The following NWD1 variants were observed in gnomAD, a reference collection of about 807,000 sequenced individuals.
The protein encoded by NWD1 is NACHT and WD repeat domain containing 1, also known as NACHT domain- and WD repeat-containing protein 1.
A neutral mutation model predicts 135.1 loss-of-function variants in NWD1; 129 were observed. That is an observed-to-expected ratio of 0.96 (90% CI 0.83 to 1.11). NWD1 has a LOEUF of 1.11. NWD1 is among the 50% of genes least tolerant of loss of function. The pLI, the probability that NWD1 is intolerant of heterozygous loss-of-function variation, is 0.00. For synonymous variants in NWD1, 773 were observed against 786.0 expected (o/e 0.98, Z 0.28); for missense variants, 1,740 against 1,851.3 (o/e 0.94, Z 1.10).
At chr19:16,761,350 C>CTTTCTTTCTTTCTTTCTTTCTTTCTT (rs60597477) in intron 7 of NWD1, among the ~76,000 whole-genome samples, 1 of 144,090 alleles carries the variant, frequency 6.9e-6, no homozygotes, top group African/African-American at 2.9e-5. Flanking sequence ...CCCTTTCTTT[C>CTTTCTTTCTTTCTTTCTTTCTTTCTT]TCTTTCTTTC....
At chr19:16,731,925 A>C (rs183664510) in intron 3 of NWD1, among the ~76,000 whole-genome samples, 2 of 151,940 alleles carry the variant, frequency 1.3e-5, no homozygotes, top group Non-Finnish European at 2.9e-5. Context: ...GACTATAAAA[A>C]GGCAGGTGGG....
At chr19:16,798,995 C>T (rs1970511130) in intron 16 of NWD1, among the ~76,000 whole-genome samples, 2 of 150,584 alleles carry the variant, frequency 1.3e-5, no homozygotes, top group Admixed American at 1.3e-4. Flanking sequence ...AAAAGGTTTA[C>T]AGGGCACCCT....
intron 6 of NWD1, among the ~76,000 whole-genome samples, chr19:16,755,279 G>A (rs559263750): frequency 5.9e-5 from 9 of 152,186 alleles, no homozygotes; most frequent in African/African-American, 1.9e-4. Flanking sequence ...GCACTGAAGC[G>A]ATCACAGCTC....
chr19:16,752,149 A>G (rs1968606743), intron 6 of NWD1, among the ~76,000 whole-genome samples: 1 of 151,936 alleles, frequency 6.6e-6, no homozygotes, highest in South Asian at 2.1e-4. Context: ...ACTGGCCAAC[A>G]GCAAACACTC....
At chr19:16,805,137 C>T (rs969539356) in intron 17 of NWD1, among the ~76,000 whole-genome samples, 2 of 152,024 alleles carry the variant, frequency 1.3e-5, no homozygotes, top group African/African-American at 4.8e-5. Flanking sequence ...CAGTTCACTG[C>T]AACCTCCGCC....
chr19:16,746,624 G>A (rs937377513), intron 5 of NWD1, among the ~76,000 whole-genome samples: 5 of 151,246 alleles, frequency 3.3e-5, no homozygotes, highest in African/African-American at 4.9e-5. Flanking sequence ...AGTGAGCTGA[G>A]ATCGCACCAC....
chr19:16,732,499 A>C (rs1053066257), intron 3 of NWD1, among the ~76,000 whole-genome samples: 1 of 150,980 alleles, frequency 6.6e-6, no homozygotes, highest in Non-Finnish European at 1.5e-5. Context: ...GAGGTTGGAC[A>C]TGCCTTTTTC....
At chr19:16,747,039 CT>C (rs202225653) in intron 5 of NWD1, among the ~76,000 whole-genome samples, 4,140 of 137,928 alleles carry the variant, frequency 0.03, 139 homozygotes, top group African/African-American at 0.094. Context: ...CTTTTTCTTT[CT>C]TTTTTTTTTT....
At chr19:16,813,839 T>C (rs1251379482) in intron 18 of NWD1, among the ~76,000 whole-genome samples, 1 of 151,942 alleles carries the variant, frequency 6.6e-6, no homozygotes, top group Non-Finnish European at 1.5e-5. Flanking sequence ...CTGTTCAGTA[T>C]TATGCTAAGG....
At chr19:16,790,632 TA>T (rs57075970) in intron 13 of NWD1, among the ~76,000 whole-genome samples, 1,809 of 47,432 alleles carry the variant, frequency 0.038, 42 homozygotes, top group Non-Finnish European at 0.053. Flanking sequence ...AAAGTAACAT[TA>T]AAAAAAAATA....
At chr19:16,747,194 G>A (rs891156879) in intron 5 of NWD1, among the ~76,000 whole-genome samples, 4 of 151,196 alleles carry the variant, frequency 2.6e-5, no homozygotes, top group African/African-American at 4.9e-5. Flanking sequence ...GCGCCACCTC[G>A]CCTGGCTAAT....
At chr19:16,814,146 T>C (rs749879651) in intron 18 of NWD1, among the ~76,000 whole-genome samples, 4 of 151,900 alleles carry the variant, frequency 2.6e-5, no homozygotes, top group Non-Finnish European at 5.9e-5. Context: ...GGCAACAGAG[T>C]GAGACCCTGT....
intron 6 of NWD1, 122 bp from the exon 7 acceptor site, chr19:16,759,103 G>T: frequency 1.3e-6 from 1 of 749,840 alleles, no homozygotes. Flanking sequence ...TCCAAATGCT[G>T]ATCCCAGGTG....
rs1290147805 is a variant in NWD1, at chr19:16,749,805, G to A, written c.1163G>A (p.Ser388Asn). ...MSSDARGLLK[S>N]ICFQVCLAYG... Reference sequence around the variant, plus strand: ...TCAGATGCCCGTGGCCTGCTGAAGAGCATCTGCTTCCAGGTGTGCCTGGCC... The same window carrying A: ...TCAGATGCCCGTGGCCTGCTGAAGAACATCTGCTTCCAGGTGTGCCTGGCC... The change falls in exon 6 of 19, where the codon AGC (serine) becomes AAC (asparagine). Residue 388 changes from serine to asparagine, a missense_variant. Coordinates refer to ENST00000524140, the MANE Select transcript of NWD1 (RefSeq NM_001007525.5). 2.5e-6 allele frequency: 4 copies of A among 1,606,678 alleles called. No homozygotes were observed. The Admixed American group carries it at 5.0e-5, about 20-fold the overall frequency.
intron 6 of NWD1, among the ~76,000 whole-genome samples, chr19:16,756,939 T>C (rs1458218583): frequency 5.3e-5 from 8 of 152,178 alleles, no homozygotes; most frequent in African/African-American, 1.7e-4. Flanking sequence ...ATGAGGGATC[T>C]AGGTTGCTTG....
At chr19:16,765,300 T>C (rs964506453) in intron 10 of NWD1, 108 bp downstream of exon 10, 2 of 1,099,238 alleles carry the variant, frequency 1.8e-6, no homozygotes, top group African/African-American at 3.1e-5. Context: ...CTCATACCTT[T>C]CCTGTCTAAA....
At chr19:16,769,220 G>A (rs1012498156) in intron 10 of NWD1, among the ~76,000 whole-genome samples, 11 of 152,046 alleles carry the variant, frequency 7.2e-5, no homozygotes, top group African/African-American at 1.7e-4. Context: ...CCAGCACTTC[G>A]GGAGGCTGAG....
At chr19:16,772,569 C>G (rs987380059) in intron 10 of NWD1, among the ~76,000 whole-genome samples, 1 of 152,168 alleles carries the variant, frequency 6.6e-6, no homozygotes, top group Non-Finnish European at 1.5e-5. Context: ...TCGCTTGAAC[C>G]TGGGAGGTGC....
chr19:16,744,736 C>A lies in NWD1; in HGVS notation c.496+18C>A, dbSNP rs1040589694. 6.5e-6 allele frequency: 10 copies of A among 1,532,382 alleles called. No individual in the cohort carries two copies. The highest frequency in any genetic ancestry group is 8.7e-6 in the Non-Finnish European group (10 of 1,143,874). The allele number at this position is 1,532,382 out of a possible 1,614,324, so 94.9% of individuals were successfully genotyped here. A position where few individuals can be genotyped will look rare whatever the true frequency, so the allele number is the denominator to read the frequency against. On this transcript the variant is annotated intron_variant, in intron 5 of 18. Coordinates refer to ENST00000524140, the MANE Select transcript of NWD1 (RefSeq NM_001007525.5). ...CCGGTCAGGTGAGGCCGCAGGGACTCCCCTCTGGAGACCCACAAGAAACTG... is the reference window on the plus strand; with the variant it reads ...CCGGTCAGGTGAGGCCGCAGGGACTACCCTCTGGAGACCCACAAGAAACTG...
Sources: gnomAD v4.1 joint callset for allele counts (sites outside exome capture counted in the v4.1 genomes callset) on GRCh38, gnomAD v4.1.1 for gene constraint, MANE v1.5 for transcripts, NCBI Gene and HGNC (gene_info 2026-07-23, HGNC 2026-07-21) for gene names.